Variants in TNRC6A observed in about 807,000 individuals in gnomAD.
TNRC6A encodes the protein trinucleotide repeat containing adaptor 6A, also known as trinucleotide repeat-containing gene 6A protein.
TNRC6A carries 44 observed loss-of-function variants against 221.2 expected under a neutral mutation model. That is an observed-to-expected ratio of 0.20 (90% CI 0.16 to 0.26). The LOEUF (loss-of-function observed/expected upper bound fraction) is 0.26, where lower values mean the gene tolerates loss of function less well. TNRC6A is among the 10% of genes least tolerant of loss of function. The probability of loss-of-function intolerance (pLI) is 1.00; values close to 1 mark genes in which losing one functional copy is unlikely to be tolerated. For synonymous variants in TNRC6A, 847 were observed against 838.5 expected (o/e 1.01, Z -0.18); for missense variants, 2,199 against 2,404.4 (o/e 0.91, Z 1.79).
chr16:24,797,524 C>G lies in TNRC6A; in HGVS notation c.3596C>G (p.Ala1199Gly). The change falls in exon 10 of 25, where the codon GCG (alanine) becomes GGG (glycine). Residue 1199 changes from alanine to glycine, a missense_variant. By Grantham distance (60) the Ala-to-Gly change is moderately conservative. This residue lies in a region of TNRC6A where 158 missense variants were observed against 159.1 expected (regional missense o/e 0.99). Coordinates refer to ENST00000395799, the MANE Select transcript of TNRC6A (RefSeq NM_014494.4). ...AAAGGTGGAAACAAACAAGAAGAAG[C>G]GTGGATAAATCCATTTGTTAAACAG... is the stretch of plus-strand genomic sequence containing the variant. ...MMKGGNKQEE[A>G]WINPFVKQFS... The G allele has an allele frequency of 6.2e-7, 1 of 1,611,296 alleles. No individual in the cohort carries two copies. The highest frequency in any genetic ancestry group is 8.5e-7 in the Non-Finnish European group (1 of 1,179,192).
intron 1 of TNRC6A, among the ~76,000 whole-genome samples, chr16:24,629,567 G>A (rs374868347): frequency 1.3e-3 from 200 of 152,198 alleles, no homozygotes; most frequent in Non-Finnish European, 2.4e-3. Context: ...CCAGTTGACC[G>A]CCCAGTACTG....
chr16:24,744,564 TA>T (rs1444556811), intron 2 of TNRC6A, among the ~76,000 whole-genome samples: 4 of 152,178 alleles, frequency 2.6e-5, no homozygotes, highest in African/African-American at 9.7e-5. Flanking sequence ...TGTAATTTTT[TA>T]TTAGCATAAT....
chr16:24,764,673 GCC>G lies in TNRC6A; in HGVS notation c.163+6314_163+6315del, dbSNP rs2057434457. Among the ~76,000 whole-genome samples the G allele has an allele frequency of 2.0e-5, 3 of 151,912 alleles. No homozygotes were observed. The South Asian group carries it at 6.3e-4, about 32-fold the overall frequency. ...ATAGGTTGTTTGTTTCCATATCTTG[GCC>G]ATTGTGAATAATGCTGGCATGAACA... is the stretch of plus-strand genomic sequence containing the variant. On this transcript the variant is annotated intron_variant, in intron 4 of 24. Transcript: ENST00000395799.
intron 22 of TNRC6A, 105 bp downstream of exon 22, chr16:24,820,465 C>A: frequency 1.0e-6 from 1 of 995,900 alleles, no homozygotes; most frequent in Non-Finnish European, 1.5e-6. Context: ...TATTGCCTCA[C>A]CTCCATCAGG....
intron 2 of TNRC6A, among the ~76,000 whole-genome samples, chr16:24,645,364 G>GGTGGTAGTGGTGCATGCCT (rs1902217314): frequency 1.3e-5 from 2 of 151,916 alleles, no homozygotes; most frequent in Admixed American, 1.3e-4. Context: ...AAATTAGTCC[G>GGTGGTAGTGGTGCATGCCT]GTGGTAGTGG....
chr16:24,754,471 T>C (rs1181638738), intron 3 of TNRC6A, among the ~76,000 whole-genome samples: 3 of 152,196 alleles, frequency 2.0e-5, no homozygotes, highest in African/African-American at 7.2e-5. Context: ...AACACTCTTT[T>C]CTGTTTCATA....
intron 2 of TNRC6A, among the ~76,000 whole-genome samples, chr16:24,680,422 TAA>T (rs113860323): frequency 1.4e-5 from 2 of 142,482 alleles, no homozygotes; most frequent in Non-Finnish European, 1.5e-5. Flanking sequence ...CACTGTCTCT[TAA>T]AAAAAAAAAA....
At chr16:24,736,042 G>T (rs1338734548) in intron 2 of TNRC6A, among the ~76,000 whole-genome samples, 1 of 152,122 alleles carries the variant, frequency 6.6e-6, no homozygotes, top group Non-Finnish European at 1.5e-5. Flanking sequence ...GCACATGCCT[G>T]TAATCCCAGC....
rs1390381612 is a variant in TNRC6A, at chr16:24,788,895, A to G, written c.590-337A>G. Among the ~76,000 whole-genome samples, 5 of 152,136 alleles carry G rather than the reference A, an allele frequency of 3.3e-5. No homozygotes were observed. In the East Asian group the frequency reaches 7.7e-4, roughly 24 times the overall value. ...GATCTCCTGACCTCGTGATCCACCC[A>G]CCTCGGCCTTCCAGAGTGCTGGGAT... is the stretch of plus-strand genomic sequence containing the variant. On this transcript the variant is annotated intron_variant, in intron 5 of 24. Coordinates refer to ENST00000395799, the MANE Select transcript of TNRC6A (RefSeq NM_014494.4).
chr16:24,668,011 C>T (rs565385391), intron 2 of TNRC6A, among the ~76,000 whole-genome samples: 1 of 151,392 alleles, frequency 6.6e-6, no homozygotes, highest in African/African-American at 2.4e-5. Context: ...GGCAACAGAG[C>T]AAGACCCTGT....
rs2058180546 is a variant in TNRC6A, at chr16:24,794,608, T to A, written c.3417T>A (p.Thr1139=). The A allele has an allele frequency of 6.2e-7, 1 of 1,613,994 alleles. No individual in the cohort carries two copies. The highest frequency in any genetic ancestry group is 1.3e-5 in the African/African-American group (1 of 74,942). Residue 1139 remains threonine (T), a synonymous_variant, in exon 8 of 25, where the codon ACT becomes ACA. Coordinates refer to ENST00000395799, the MANE Select transcript of TNRC6A (RefSeq NM_014494.4). ...TGCCATTGCCTGGAAATCGCCCCAC[T>A]GGCTGGGAAGAGGAAGAGGATGTGG... is the stretch of plus-strand genomic sequence containing the variant. The part of the protein sequence containing the change: ...DDMPLPGNRP[T]GWEEEEDVEI...
rs4788428 is a variant in TNRC6A at position 24,777,068 on chromosome 16, A to C, written c.299A>C (p.Gln100Pro). 0.011 allele frequency: 18,151 copies of C among 1,608,388 alleles called. 390 individuals carry two copies. Among genetic ancestry groups the C allele is most frequent in the African/African-American group, 0.087 (6,496 of 74,550 alleles). The change falls in exon 5 of 25, where the codon CAA (glutamine) becomes CCA (proline). Residue 100 changes from glutamine (Q) to proline (P), a missense_variant. Gln to Pro is a moderately conservative substitution (Grantham distance 76). Transcript: ENST00000395799. ...ANNQQPQQQQ[Q>P]QQQPQQQQPQ... ...AATCAGCAGCCACAGCAGCAGCAGC[A>C]ACAGCAGCAGCCGCAGCAGCAGCAG...
chr16:24,813,903 GGT>G (rs1372892085), intron 18 of TNRC6A, among the ~76,000 whole-genome samples: 1 of 152,180 alleles, frequency 6.6e-6, no homozygotes, highest in Non-Finnish European at 1.5e-5. Flanking sequence ...TATCATCTCA[GGT>G]GTAAGAATTA....
chr16:24,632,002 G>A (rs1455207364), intron 1 of TNRC6A, among the ~76,000 whole-genome samples: 1 of 151,806 alleles, frequency 6.6e-6, no homozygotes, highest in Non-Finnish European at 1.5e-5. Context: ...GGAACCACAG[G>A]TGTGCACCAC....
At chr16:24,671,431 G>A (rs2055299742) in intron 2 of TNRC6A, among the ~76,000 whole-genome samples, 1 of 152,196 alleles carries the variant, frequency 6.6e-6, no homozygotes, top group South Asian at 2.1e-4. Context: ...AGATGCTGGT[G>A]GTGATGAGGT....
At chr16:24,803,305 G>C (rs1443524266) in intron 11 of TNRC6A, 1 of 152,138 alleles carries the variant, frequency 6.6e-6, no homozygotes, top group Non-Finnish European at 1.5e-5. Flanking sequence ...TGTAATCCCA[G>C]CTGCTCAGGA....
rs201340474 is a variant in TNRC6A at position 24,789,828 on chromosome 16, A to G, written c.1186A>G (p.Ser396Gly). 12 of 1,614,230 alleles carry G rather than the reference A, an allele frequency of 7.4e-6. No homozygotes were observed. The African/African-American group carries it at 1.5e-4, about 20-fold the overall frequency. ...TAGTTCTGGCATTAATATTCAGTGC[A>G]GTACTATAGGCCAGATGCCTAACAA... The part of the protein sequence containing the change: ...SGSSGINIQC[S>G]TIGQMPNNQS... The change falls in exon 6 of 25, where the codon AGT (serine) becomes GGT (glycine). Residue 396 changes from serine to glycine, a missense_variant. Ser to Gly is a moderately conservative substitution (Grantham distance 56). Coordinates refer to ENST00000395799, the MANE Select transcript of TNRC6A (RefSeq NM_014494.4).
chr16:24,744,973 C>A (rs886204783), intron 2 of TNRC6A, among the ~76,000 whole-genome samples: 1 of 152,130 alleles, frequency 6.6e-6, no homozygotes, highest in African/African-American at 2.4e-5. Flanking sequence ...CCTTTCACAT[C>A]AGGGTGTAGA....
rs564597351 is a variant in TNRC6A at position 24,645,921 on chromosome 16, A to G, written n.402+4912A>G. Reference sequence around the variant, plus strand: ...GTAGTCCCAGCTACTTGAGGGGCTGAGGTGGGAGGATCACTTGAGTCTGGG... The same window carrying G: ...GTAGTCCCAGCTACTTGAGGGGCTGGGGTGGGAGGATCACTTGAGTCTGGG... On this transcript the variant is annotated intron_variant and non_coding_transcript_variant, in intron 2 of 2. Coordinates refer to the TNRC6A transcript ENST00000566108. 2.2e-5 allele frequency among the ~76,000 whole-genome samples: 3 copies of G among 139,370 alleles called. No individual in the cohort carries two copies. The East Asian group carries it at 6.7e-4, about 31-fold the overall frequency. The allele number at this position is 139,370 out of a possible 152,430, so 91.4% of individuals were successfully genotyped here. A position where few individuals can be genotyped will look rare whatever the true frequency, so the allele number is the denominator to read the frequency against.
Sources: gnomAD v4.1 joint callset for allele counts (sites outside exome capture counted in the v4.1 genomes callset) on GRCh38, gnomAD v4.1.1 for gene constraint, gnomAD v4.1.1 regional missense constraint, MANE v1.5 for transcripts, NCBI Gene and HGNC (gene_info 2026-07-23, HGNC 2026-07-21) for gene names.